SYT9: variants seen among roughly 807,000 people sequenced by gnomAD.
The protein encoded by SYT9 is synaptotagmin-9.
In SYT9, 22 loss-of-function variants were observed where a neutral mutation model predicts 48.4. The observed-to-expected ratio is 0.45, with a 90% CI of 0.32 to 0.65. The LOEUF (loss-of-function observed/expected upper bound fraction) is 0.65, where lower values mean the gene tolerates loss of function less well. Ranked by LOEUF, SYT9 falls within the 30% of genes least tolerant of loss-of-function variation. The pLI is 0.03. For missense variants in SYT9, 577 were observed against 622.0 expected (o/e 0.93, Z 0.77); for synonymous variants, 265 against 245.0 (o/e 1.08, Z -0.76).
rs377456789 is a variant in SYT9, at chr11:7,294,462, C to G, written c.146-8577C>G. 4.6e-5 allele frequency among the ~76,000 whole-genome samples: 7 copies of G among 152,188 alleles called. No individual in the cohort carries two copies. In the South Asian group the frequency reaches 6.2e-4, roughly 14 times the overall value. ...ATATGATTTATCCTGAGGCAAATTG[C>G]TCTTCCAGCTGTGAACCTGTGAAAC... On this transcript the variant is annotated intron_variant, in intron 1 of 6. Transcript: ENST00000318881.
chr11:7,435,455 G>A (rs1847685153), intron 6 of SYT9: 1 of 152,216 alleles, frequency 6.6e-6, no homozygotes, highest in Admixed American at 6.5e-5. Context: ...TTTACAGATT[G>A]TGTTTGAATT....
Position 7,332,197 on chromosome 11 carries a change from A to G in SYT9, c.1044+18256A>G, listed in dbSNP as rs983445225. On this transcript the variant is annotated intron_variant, in intron 3 of 6. Coordinates refer to ENST00000318881, the MANE Select transcript of SYT9 (RefSeq NM_175733.4). ...AGCCTTTCCTGAGCCTGATGCCACA[A>G]GGAGCTCTGGAGCGTGAAGAGCACC... Among the ~76,000 whole-genome samples, 3 of 152,204 alleles carry G rather than the reference A, an allele frequency of 2.0e-5. No homozygotes were observed. The East Asian group carries it at 5.8e-4, about 29-fold the overall frequency.
At chr11:7,319,119 G>A (rs1190514134) in intron 3 of SYT9, among the ~76,000 whole-genome samples, 2 of 150,018 alleles carry the variant, frequency 1.3e-5, no homozygotes, top group Non-Finnish European at 3.0e-5. Context: ...TTCAGACAAT[G>A]AGAAAGGGAG....
At chr11:7,283,829 T>G (rs1848549159) in intron 1 of SYT9, among the ~76,000 whole-genome samples, 3 of 152,190 alleles carry the variant, frequency 2.0e-5, no homozygotes, top group African/African-American at 2.4e-5. Flanking sequence ...TGTTAGGAAC[T>G]CGAATGTGGA....
chr11:7,382,563 T>G (rs560939810), intron 3 of SYT9, among the ~76,000 whole-genome samples: 43 of 152,288 alleles, frequency 2.8e-4, no homozygotes, highest in Non-Finnish European at 4.3e-4. Context: ...AGAAAACACT[T>G]GTATATATGA....
At chr11:7,324,425 T>C (rs1849390755) in intron 3 of SYT9, among the ~76,000 whole-genome samples, 2 of 151,876 alleles carry the variant, frequency 1.3e-5, no homozygotes, top group Admixed American at 6.6e-5. Flanking sequence ...ATGATTTTCT[T>C]TCTTTTTTCT....
rs1849345929 is a variant in SYT9, at chr11:7,321,961, T to C, written c.1044+8020T>C. Among the ~76,000 whole-genome samples, 2 of 152,196 alleles carry C rather than the reference T, an allele frequency of 1.3e-5. 1 individual carries two copies. The highest frequency in any genetic ancestry group is 4.1e-4 in the South Asian group (2 of 4,834). On this transcript the variant is annotated intron_variant, in intron 3 of 6. Transcript: ENST00000318881. ...AGGGATCACTTTCCTTGCTATCTGC[T>C]GGCTCTTGCTGGTTCCTTCACTTCA...
chr11:7,351,753 G>A (rs148545919), intron 3 of SYT9, among the ~76,000 whole-genome samples: 14 of 152,270 alleles, frequency 9.2e-5, no homozygotes, highest in African/African-American at 2.9e-4. Context: ...TGAAAGATAT[G>A]CTGGTATTTG....
At chr11:7,367,090 TTTTTTTTTC>T (rs1850262945) in intron 3 of SYT9, among the ~76,000 whole-genome samples, 1 of 106,720 alleles carries the variant, frequency 9.4e-6, no homozygotes, top group African/African-American at 3.3e-5. Flanking sequence ...TTTTTTTTTT[TTTTTTTTTC>T]GAGACGGAGC....
At chr11:7,449,194 A>T (rs971920290) in intron 6 of SYT9, among the ~76,000 whole-genome samples, 3 of 151,888 alleles carry the variant, frequency 2.0e-5, no homozygotes, top group African/African-American at 7.3e-5. Flanking sequence ...AAATACAAAA[A>T]TTAACCGGGC....
chr11:7,466,672 GA>G (rs1848340647), intron 6 of SYT9, 119 bp from the exon 7 acceptor site: 1 of 982,832 alleles, frequency 1.0e-6, no homozygotes, highest in Non-Finnish European at 1.5e-6. Flanking sequence ...AGTGAGCCAA[GA>G]TCGCGCCACT....
intron 3 of SYT9, among the ~76,000 whole-genome samples, chr11:7,346,346 G>A (rs142316602): frequency 0.025 from 3,799 of 152,286 alleles, 121 homozygotes; most frequent in African/African-American, 0.067. Context: ...AGCAGCAGAG[G>A]GGGTTCCTGT....
chr11:7,248,803 A>C (rs1211451963), upstream of SYT9, among the ~76,000 whole-genome samples: 1 of 152,318 alleles, frequency 6.6e-6, no homozygotes, highest in East Asian at 1.9e-4. Context: ...AAATACCACC[A>C]TCATTCTTCA....
chr11:7,261,163 C>G (rs2052245287), intron 1 of SYT9, among the ~76,000 whole-genome samples: 1 of 152,198 alleles, frequency 6.6e-6, no homozygotes, highest in Non-Finnish European at 1.5e-5. Flanking sequence ...TTTCTAATAT[C>G]TGCCTCCTCG....
Position 7,313,765 on chromosome 11 carries a change from T to C in SYT9, c.868T>C (p.Leu290=), listed in dbSNP as rs763717441. The C allele has an allele frequency of 3.1e-6, 5 of 1,614,228 alleles. No homozygotes were observed. In the Admixed American group the frequency reaches 8.3e-5, roughly 27 times the overall value. ...GAACCCTGTGTTTGATGAAGTGTTT[T>C]TATTTCCGGTTCCCTACAATGACCT... ...TLNPVFDEVF[L]FPVPYNDLEA... is the part of the protein sequence containing the mutation. The change falls in exon 3 of 7, where the codon TTA becomes CTA. Residue 290 remains leucine, a synonymous_variant. Transcript: ENST00000318881.
intron 3 of SYT9, among the ~76,000 whole-genome samples, chr11:7,382,777 T>C (rs1026422106): frequency 1.3e-5 from 2 of 152,286 alleles, no homozygotes; most frequent in African/African-American, 2.4e-5. Flanking sequence ...TATTTTCAAA[T>C]TGGGGCTAGT....
chr11:7,390,308 C>CT (rs949327445), intron 3 of SYT9, among the ~76,000 whole-genome samples: 32 of 152,166 alleles, frequency 2.1e-4, no homozygotes, highest in African/African-American at 7.0e-4. Flanking sequence ...TGAACTCATC[C>CT]TTTTTTACAG....
intron 1 of SYT9, among the ~76,000 whole-genome samples, chr11:7,270,475 C>T (rs912777892): frequency 1.3e-5 from 2 of 152,114 alleles, no homozygotes; most frequent in Non-Finnish European, 2.9e-5. Flanking sequence ...TGAATTAAAG[C>T]AAACCCATTA....
At chr11:7,262,706 T>A (rs1260771667) in intron 1 of SYT9, among the ~76,000 whole-genome samples, 1 of 152,088 alleles carries the variant, frequency 6.6e-6, no homozygotes, top group Admixed American at 6.6e-5. Flanking sequence ...GCACTCACCA[T>A]TGCAGGTAGT....
Sources: gnomAD v4.1 joint callset for allele counts (sites outside exome capture counted in the v4.1 genomes callset) on GRCh38, gnomAD v4.1.1 for gene constraint, MANE v1.5 for transcripts, NCBI Gene and HGNC (gene_info 2026-07-23, HGNC 2026-07-21) for gene names.